The following TMED3 variants were observed in gnomAD, a reference collection of about 807,000 sequenced individuals.
TMED3 encodes transmembrane emp24 domain-containing protein 3.
Under a neutral mutation model 15.0 loss-of-function variants are expected in TMED3, and 9 were observed. The ratio of observed to expected loss-of-function variants is 0.60; its 90% CI spans 0.36 to 1.04. The LOEUF (loss-of-function observed/expected upper bound fraction) is 1.04. Among genes scored for constraint, TMED3 ranks in the 50% least tolerant of loss-of-function variants. The pLI, the probability that TMED3 is intolerant of heterozygous loss-of-function variation, is 0.01. For missense variants in TMED3, 267 were observed against 278.9 expected, an observed-to-expected ratio of 0.96 and a Z score of 0.30; for synonymous variants, 117 against 121.4, an observed-to-expected ratio of 0.96 and a Z score of 0.24.
chr15:79,311,503 T>C, intron 1 of TMED3, 86 bp downstream of exon 1: 2 of 1,457,084 alleles, frequency 1.4e-6, no homozygotes, highest in South Asian at 2.8e-5. Context: ...CTGGAGGCGC[T>C]CGAATTAGCC....
chr15:79,345,459 T>A (rs961128932), intron 2 of TMED3, among the ~76,000 whole-genome samples: 1 of 152,238 alleles, frequency 6.6e-6, no homozygotes, highest in African/African-American at 2.4e-5. Flanking sequence ...TCCATCCGTG[T>A]TCCTGCAAAT....
intron 2 of TMED3, among the ~76,000 whole-genome samples, chr15:79,391,642 A>G (rs949607556): frequency 5.3e-5 from 8 of 152,098 alleles, no homozygotes; most frequent in East Asian, 1.9e-4. Context: ...TTCTGTCTCG[A>G]TGACCTGTCT....
chr15:79,364,870 G>A (rs62025983), intron 2 of TMED3, among the ~76,000 whole-genome samples: 16,887 of 152,170 alleles, frequency 0.11, 1,326 homozygotes, highest in East Asian at 0.4. Context: ...AAGCCCATGT[G>A]TGACTTGATT....
chr15:79,341,981 G>T (rs1394622341), intron 2 of TMED3, among the ~76,000 whole-genome samples: 1 of 152,090 alleles, frequency 6.6e-6, no homozygotes, highest in Middle Eastern at 3.2e-3. Flanking sequence ...AGAAACCTTG[G>T]TTGGTACAAA....
chr15:79,311,132 C>T lies in TMED3; in HGVS notation c.-118C>T, dbSNP rs1254401872. On this transcript the variant is annotated 5_prime_UTR_variant, in exon 1 of 3. Transcript: ENST00000299705. ...CCGGCCCTCCCGGAAGCGCAGAGCT[C>T]CGCTGGTGCCACGTCTATCCCCTTA... 5.0e-6 allele frequency: 6 copies of T among 1,197,726 alleles called. No homozygotes were observed. Among genetic ancestry groups the T allele is most frequent in the South Asian group, 1.7e-5 (1 of 60,502 alleles). 74.2% of individuals were successfully genotyped at this position (1,197,726 alleles called of 1,614,324 possible). A position where few individuals can be genotyped will look rare whatever the true frequency, so the allele number is the denominator to read the frequency against.
intron 2 of TMED3, among the ~76,000 whole-genome samples, chr15:79,360,069 C>G (rs1307556686): frequency 2.0e-5 from 3 of 152,180 alleles, no homozygotes; most frequent in Non-Finnish European, 2.9e-5. Flanking sequence ...GTTAGTGAGA[C>G]TGCGGGAAGA....
chr15:79,397,038 A>G (rs1893771414), intron 2 of TMED3, among the ~76,000 whole-genome samples: 1 of 152,240 alleles, frequency 6.6e-6, no homozygotes, highest in Admixed American at 6.5e-5. Context: ...GCGGGAATGC[A>G]GACTGCACTT....
intron 2 of TMED3, among the ~76,000 whole-genome samples, chr15:79,365,086 G>A (rs1011567237): frequency 1.3e-5 from 2 of 152,240 alleles, no homozygotes; most frequent in African/African-American, 4.8e-5. Flanking sequence ...AGGGGTTTGA[G>A]CAGCGGAGAC....
At chr15:79,353,313 A>ATTATG (rs1479223687) in intron 2 of TMED3, among the ~76,000 whole-genome samples, 1 of 51,754 alleles carries the variant, frequency 1.9e-5, no homozygotes, top group African/African-American at 5.3e-5. Context: ...TATATTATAT[A>ATTATG]TATAATATAT....
rs184588072 is a variant in TMED3, at chr15:79,334,851, G to A, written c.417+20846G>A. 1.4e-5 allele frequency among the ~76,000 whole-genome samples: 2 copies of A among 142,836 alleles called. 1 individual carries two copies. Among genetic ancestry groups the A allele is most frequent in the East Asian group, 3.9e-4 (2 of 5,094 alleles). 93.7% of individuals were successfully genotyped at this position (142,836 alleles called of 152,430 possible). A position where few individuals can be genotyped will look rare whatever the true frequency, so the allele number is the denominator to read the frequency against. ...AAGGTTACAAGAAATTGTAGAAGGG[G>A]TTATAATACAACAAAAGAGATGAAA... On this transcript the variant is annotated intron_variant, in intron 2 of 2. Transcript: ENST00000424155.
chr15:79,364,909 A>G lies in TMED3; in HGVS notation c.418-46491A>G, dbSNP rs187293670. ...CCAGGACACTGGGAAAGAGCTTGGG[A>G]TACAGAAAGGTGTCACACCGGCCCT... is the stretch of plus-strand genomic sequence containing the variant. On this transcript the variant is annotated intron_variant, in intron 2 of 2. Coordinates refer to the TMED3 transcript ENST00000424155. Among the ~76,000 whole-genome samples, 4 of 152,314 alleles carry G rather than the reference A, an allele frequency of 2.6e-5. No individual in the cohort carries two copies. In the East Asian group the frequency reaches 7.7e-4, roughly 30 times the overall value.
At chr15:79,411,523 G>C (rs1005256484) in exon 3 of TMED3, 1 of 701,460 alleles carries the variant, frequency 1.4e-6, no homozygotes, top group Admixed American at 2.0e-5. Context: ...CAGCGGGGAG[G>C]CACTGAGAGT....
intron 2 of TMED3, among the ~76,000 whole-genome samples, chr15:79,370,259 T>G (rs1195592432): frequency 3.8e-5 from 2 of 52,600 alleles, no homozygotes; most frequent in Non-Finnish European, 7.6e-5. Context: ...CCAGCTAATT[T>G]TTTTTTTTTT....
chr15:79,353,714 T>G (rs151164892), intron 2 of TMED3, among the ~76,000 whole-genome samples: 1 of 151,864 alleles, frequency 6.6e-6, no homozygotes, highest in Non-Finnish European at 1.5e-5. Flanking sequence ...GTATTTTGCT[T>G]TTCTGTATTT....
At chr15:79,388,944 T>C (rs1012639133) in intron 2 of TMED3, among the ~76,000 whole-genome samples, 10 of 152,218 alleles carry the variant, frequency 6.6e-5, no homozygotes, top group African/African-American at 2.2e-4. Flanking sequence ...AGATTGTTTT[T>C]TTTCTTACTG....
chr15:79,338,191 A>G (rs2058834116), intron 2 of TMED3, among the ~76,000 whole-genome samples: 1 of 152,258 alleles, frequency 6.6e-6, no homozygotes, highest in Admixed American at 6.5e-5. Flanking sequence ...ACCTCTGGGA[A>G]TTGAAGATAG....
intron 2 of TMED3, among the ~76,000 whole-genome samples, chr15:79,393,787 C>A (rs896920694): frequency 6.6e-6 from 1 of 152,116 alleles, no homozygotes; most frequent in African/African-American, 2.4e-5. Flanking sequence ...CCTCTGCCTC[C>A]CGGGCTCAAG....
At chr15:79,388,222 G>T (rs1893651320) in intron 2 of TMED3, among the ~76,000 whole-genome samples, 1 of 152,094 alleles carries the variant, frequency 6.6e-6, no homozygotes, top group Non-Finnish European at 1.5e-5. Flanking sequence ...GTTTTCGGTA[G>T]CCTTTTCTTT....
At chr15:79,338,132 G>A (rs771132249) in intron 2 of TMED3, among the ~76,000 whole-genome samples, 5 of 152,148 alleles carry the variant, frequency 3.3e-5, no homozygotes, top group Admixed American at 6.6e-5. Flanking sequence ...ATGTGTTCAT[G>A]TATAATATAT....
Sources: allele counts gnomAD v4.1 joint callset (sites outside exome capture counted in the v4.1 genomes callset), GRCh38; gene constraint gnomAD v4.1.1; transcripts MANE v1.5; gene names NCBI Gene and HGNC (gene_info 2026-07-23, HGNC 2026-07-21).